Variants in NIPA1 observed in about 807,000 individuals in gnomAD.
NIPA1 encodes magnesium transporter NIPA1.
Under a neutral mutation model 23.9 loss-of-function variants are expected in NIPA1, and 13 were observed. The observed-to-expected ratio is 0.54, with a 90% confidence interval of 0.35 to 0.87. NIPA1 has a LOEUF of 0.87. Among genes scored for constraint, NIPA1 ranks in the 40% least tolerant of loss-of-function variants. The pLI, the probability that NIPA1 is intolerant of heterozygous loss-of-function variation, is 0.01. For missense variants in NIPA1, 362 were observed against 429.7 expected, an observed-to-expected ratio of 0.84 and a Z score of 1.39; for synonymous variants, 234 against 202.9, an observed-to-expected ratio of 1.15 and a Z score of -1.30.
At chr15:22,819,614 G>A (rs1198711739) in intron 3 of NIPA1, among the ~76,000 whole-genome samples, 2 of 152,032 alleles carry the variant, frequency 1.3e-5, no homozygotes, top group Non-Finnish European at 2.9e-5. Flanking sequence ...ATTACTATTA[G>A]CATTTTTATT....
chr15:22,811,620 A>G (rs1895318956), intron 2 of NIPA1, among the ~76,000 whole-genome samples: 1 of 152,120 alleles, frequency 6.6e-6, no homozygotes, highest in Non-Finnish European at 1.5e-5. Context: ...AAAAAAAGAA[A>G]CATCATGTAC....
chr15:22,798,553 T>TAAA (rs534667934), intron 1 of NIPA1, among the ~76,000 whole-genome samples: 2 of 138,152 alleles, frequency 1.4e-5, no homozygotes, highest in Non-Finnish European at 1.5e-5. Context: ...CTAAAAATCT[T>TAAA]AAAAAAAAAA....
At chr15:22,809,338 G>A (rs1895274329) in intron 1 of NIPA1, among the ~76,000 whole-genome samples, 1 of 152,034 alleles carries the variant, frequency 6.6e-6, no homozygotes, top group Non-Finnish European at 1.5e-5. Flanking sequence ...AGTCAGCTGA[G>A]ATCGTGCCAC....
At chr15:22,792,579 C>T (rs551974197) in intron 1 of NIPA1, among the ~76,000 whole-genome samples, 3 of 151,422 alleles carry the variant, frequency 2.0e-5, no homozygotes, top group Non-Finnish European at 1.5e-5. Context: ...AGAATGGTCT[C>T]GATCTCCTGA....
At chr15:22,808,547 C>T (rs1895258050) in intron 1 of NIPA1, among the ~76,000 whole-genome samples, 1 of 152,170 alleles carries the variant, frequency 6.6e-6, no homozygotes, top group Admixed American at 6.5e-5. Flanking sequence ...ATAAAGATAA[C>T]TTTTTCTGTT....
At chr15:22,820,497 C>T in intron 4 of NIPA1, 24 bp downstream of exon 4, 1 of 1,605,452 alleles carries the variant, frequency 6.2e-7, no homozygotes, top group South Asian at 1.1e-5. Context: ...AGCAGCACTG[C>T]CAAGAAAGTT....
chr15:22,790,137 A>C (rs1894797919), intron 1 of NIPA1, among the ~76,000 whole-genome samples: 1 of 152,020 alleles, frequency 6.6e-6, no homozygotes, highest in Admixed American at 6.6e-5. Flanking sequence ...AAAGGAAGTA[A>C]AGTAGACTTT....
intron 1 of NIPA1, among the ~76,000 whole-genome samples, chr15:22,797,905 C>T (rs544288095): frequency 4.7e-5 from 7 of 149,174 alleles, no homozygotes; most frequent in African/African-American, 1.7e-4. Flanking sequence ...AGTGCCGTGG[C>T]ACAATCTCGG....
chr15:22,788,919 T>TAAAAAAAAAAAAAAAA (rs199860403), intron 1 of NIPA1, among the ~76,000 whole-genome samples: 20 of 78,790 alleles, frequency 2.5e-4, no homozygotes, highest in South Asian at 1.0e-3. Context: ...GGCTCTGTCT[T>TAAAAAAAAAAAAAAAA]AAAAAAAAAA....
chr15:22,804,755 A>G (rs1364244377), intron 1 of NIPA1, among the ~76,000 whole-genome samples: 1 of 152,096 alleles, frequency 6.6e-6, no homozygotes, highest in East Asian at 1.9e-4. Flanking sequence ...CTGTACATGT[A>G]TGGACCGATT....
At chr15:22,810,843 C>T in intron 2 of NIPA1, 47 bp downstream of exon 2, 1 of 1,448,470 alleles carries the variant, frequency 6.9e-7, no homozygotes, top group South Asian at 1.1e-5. Flanking sequence ...TTCTTAGAAT[C>T]CATCACTGGT....
chr15:22,809,573 C>T (rs1032345443), intron 1 of NIPA1, among the ~76,000 whole-genome samples: 2 of 151,728 alleles, frequency 1.3e-5, no homozygotes, highest in Non-Finnish European at 1.5e-5. Flanking sequence ...GGTGAAACCC[C>T]GTCTCTACTA....
intron 4 of NIPA1, among the ~76,000 whole-genome samples, chr15:22,822,920 T>G (rs865925004): frequency 1.1e-4 from 15 of 130,500 alleles, no homozygotes; most frequent in East Asian, 2.2e-4. Flanking sequence ...TTTTTTTTTT[T>G]TTTTTTTTTT....
intron 1 of NIPA1, among the ~76,000 whole-genome samples, chr15:22,803,828 C>G (rs1430133040): frequency 6.7e-6 from 1 of 150,030 alleles, no homozygotes; most frequent in Non-Finnish European, 1.5e-5. Flanking sequence ...TACAGGCACC[C>G]GCCACCACGC....
In NIPA1 at chr15:22,794,954, T is replaced by A. The variant is rs943122923; in HGVS notation, c.178+8120T>A. On this transcript the variant is annotated intron_variant, in intron 1 of 4. Transcript: ENST00000337435. ...TTGCATTCCCCCCCATCCCAGCTCT[T>A]CCAGGGCTGTCACGTGTCCACTGGG... 3.3e-5 allele frequency among the ~76,000 whole-genome samples: 5 copies of A among 152,162 alleles called. No homozygotes were observed. The South Asian group carries it at 1.0e-3, about 32-fold the overall frequency.
At chr15:22,823,359 C>T (rs1417571877) in intron 4 of NIPA1, among the ~76,000 whole-genome samples, 5 of 151,856 alleles carry the variant, frequency 3.3e-5, no homozygotes, top group South Asian at 2.1e-4. Flanking sequence ...GGATTACAGG[C>T]GCGCTGTAAT....
Position 22,829,592 on chromosome 15 carries a change from T to C in NIPA1, c.*5353T>C, listed in dbSNP as rs1436250394. The C allele has an allele frequency of 6.6e-6, 1 of 152,186 alleles. No individual in the cohort carries two copies. Among genetic ancestry groups the C allele is most frequent in the Non-Finnish European group, 1.5e-5 (1 of 68,026 alleles). The allele number at this position is 152,186 out of a possible 1,614,324, so 9.4% of individuals were successfully genotyped here. On this transcript the variant is annotated 3_prime_UTR_variant, in exon 5 of 5. Coordinates refer to ENST00000337435, the MANE Select transcript of NIPA1 (RefSeq NM_144599.5). The stretch of plus-strand genomic sequence containing the variant: ...GATTGGTTGTGTAAAAGTTTTGTCA[T>C]AGACATGTATTGGGGAGCTTCCAAT...
rs59983551 is a variant in NIPA1, at chr15:22,808,679, C to CTTTTTTT, written c.179-2068_179-2062dup. ...TGTGATGTGATCAAATAGCAATATT[C>CTTTTTTT]TTTTTTTTGAGACAGTGTCTCACTC... On this transcript the variant is annotated intron_variant, in intron 1 of 4. Transcript: ENST00000337435. Among the ~76,000 whole-genome samples, 9 of 128,334 alleles carry CTTTTTTT rather than the reference C, an allele frequency of 7.0e-5. 3 individuals carry two copies. Among genetic ancestry groups the CTTTTTTT allele is most frequent in the South Asian group, 2.5e-4 (1 of 3,948 alleles). The allele number at this position is 128,334 out of a possible 152,430, so 84.2% of individuals were successfully genotyped here.
intron 1 of NIPA1, among the ~76,000 whole-genome samples, chr15:22,797,701 C>T (rs535620972): frequency 6.6e-6 from 1 of 151,954 alleles, no homozygotes; most frequent in Non-Finnish European, 1.5e-5. Context: ...TGAGTTTTCA[C>T]TATATTGGCT....
Sources: gnomAD v4.1 joint callset for allele counts (sites outside exome capture counted in the v4.1 genomes callset) on GRCh38, gnomAD v4.1.1 for gene constraint, MANE v1.5 for transcripts, NCBI Gene and HGNC (gene_info 2026-07-23, HGNC 2026-07-21) for gene names.